SGCZ: variants seen among roughly 807,000 people sequenced by gnomAD.
SGCZ encodes the protein zeta-sarcoglycan.
A neutral mutation model predicts 41.3 loss-of-function variants in SGCZ; 40 were observed. The observed-to-expected ratio is 0.97, with a 90% CI of 0.75 to 1.26. The LOEUF (loss-of-function observed/expected upper bound fraction) is 1.26. Ranked by LOEUF, SGCZ falls within the 50% of genes most tolerant of loss-of-function variation. The pLI, the probability that SGCZ is intolerant of heterozygous loss-of-function variation, is 0.00. For missense variants in SGCZ, 552 were observed against 369.8 expected (o/e 1.49, Z -4.04); for synonymous variants, 206 against 137.5 (o/e 1.50, Z -3.49).
At chr8:14,790,158 C>T (rs564433628) in intron 1 of SGCZ, among the ~76,000 whole-genome samples, 4 of 152,212 alleles carry the variant, frequency 2.6e-5, no homozygotes, top group South Asian at 2.1e-4. Context: ...ATGTGAAAGA[C>T]GACTTTCTGA....
chr8:14,476,589 G>A (rs1217941732), intron 2 of SGCZ, among the ~76,000 whole-genome samples: 1 of 152,000 alleles, frequency 6.6e-6, no homozygotes, highest in Non-Finnish European at 1.5e-5. Flanking sequence ...GCTTATCTAT[G>A]GCTAATGGTC....
chr8:14,913,483 A>C (rs28404894), intron 1 of SGCZ, among the ~76,000 whole-genome samples: 1 of 151,916 alleles, frequency 6.6e-6, no homozygotes, highest in South Asian at 2.1e-4. Context: ...ATTTGTTTAA[A>C]GCATAATATC....
chr8:15,080,240 T>G (rs571043085), intron 1 of SGCZ, among the ~76,000 whole-genome samples: 1 of 152,136 alleles, frequency 6.6e-6, no homozygotes, highest in African/African-American at 2.4e-5. Context: ...TTTTTTAGTG[T>G]CTCCCTAGCC....
chr8:15,055,362 T>C (rs1804667542), intron 1 of SGCZ, among the ~76,000 whole-genome samples: 1 of 152,188 alleles, frequency 6.6e-6, no homozygotes, highest in East Asian at 1.9e-4. Context: ...ATTCTTTTTG[T>C]TATCCTTTCA....
chr8:14,833,259 T>C (rs1317982632), intron 1 of SGCZ, among the ~76,000 whole-genome samples: 1 of 152,030 alleles, frequency 6.6e-6, no homozygotes, highest in Non-Finnish European at 1.5e-5. Flanking sequence ...TAGGCAGAGA[T>C]GACAAATTCA....
intron 1 of SGCZ, among the ~76,000 whole-genome samples, chr8:15,098,166 T>A (rs17574840): frequency 6.6e-6 from 1 of 150,632 alleles, no homozygotes; most frequent in South Asian, 2.1e-4. Context: ...AAAACAGATG[T>A]TGTAAAAGGA....
intron 2 of SGCZ, among the ~76,000 whole-genome samples, chr8:14,540,920 A>C (rs929971131): frequency 3.3e-5 from 5 of 151,658 alleles, no homozygotes; most frequent in Non-Finnish European, 5.9e-5. Context: ...GCTTGTTATG[A>C]TTGTTTAGTT....
chr8:15,056,932 G>A (rs1804728067), intron 1 of SGCZ, among the ~76,000 whole-genome samples: 1 of 152,146 alleles, frequency 6.6e-6, no homozygotes, highest in African/African-American at 2.4e-5. Flanking sequence ...CAAGCTGAAG[G>A]TGACAAGGAT....
chr8:14,460,544 G>T (rs1335467856), intron 2 of SGCZ, among the ~76,000 whole-genome samples: 1 of 152,090 alleles, frequency 6.6e-6, no homozygotes, highest in African/African-American at 2.4e-5. Flanking sequence ...GAGAGGGTCA[G>T]GCATGCAAAT....
At chr8:15,104,685 T>C (rs1806751483) in intron 1 of SGCZ, among the ~76,000 whole-genome samples, 1 of 78,572 alleles carries the variant, frequency 1.3e-5, no homozygotes, top group South Asian at 3.9e-4. Flanking sequence ...AAACTTGTTT[T>C]TTTCAGCATC....
rs115439592 is a variant in SGCZ at position 14,274,451 on chromosome 8, A to G, written c.337-36772T>C. On this transcript the variant is annotated intron_variant, in intron 3 of 7. Transcript: ENST00000382080. ...GATAGGGTTTAACAAGAAACATTTG[A>G]CAAATCCAAATAGCACTTGATTTCA... Among the ~76,000 whole-genome samples the G allele has an allele frequency of 3.4e-3, 523 of 152,328 alleles. 2 individuals carry two copies. The highest frequency in any genetic ancestry group is 0.011 in the African/African-American group (459 of 41,576).
chr8:14,243,141 C>T (rs1350172740), intron 3 of SGCZ, among the ~76,000 whole-genome samples: 2 of 152,188 alleles, frequency 1.3e-5, no homozygotes, highest in Admixed American at 1.3e-4. Context: ...CTATGCAAAT[C>T]TCCCTACTTG....
At chr8:14,157,355 TGTGTGTGTGA>T (rs1182169513) in intron 5 of SGCZ, among the ~76,000 whole-genome samples, 2 of 132,690 alleles carry the variant, frequency 1.5e-5, no homozygotes, top group African/African-American at 5.7e-5. Context: ...TGTGTGTGTG[TGTGTGTGTGA>T]GTGTGTGTGT....
chr8:14,687,595 T>G (rs550213809), intron 1 of SGCZ, among the ~76,000 whole-genome samples: 13 of 152,070 alleles, frequency 8.5e-5, no homozygotes, highest in South Asian at 6.2e-4. Flanking sequence ...AGTCTATCAT[T>G]GTTGGACATT....
chr8:14,095,307 G>A (rs977572846), intron 7 of SGCZ, among the ~76,000 whole-genome samples: 12 of 152,156 alleles, frequency 7.9e-5, no homozygotes, highest in African/African-American at 2.7e-4. Flanking sequence ...CATATAAGGT[G>A]TAAGGAAGGG....
intron 1 of SGCZ, among the ~76,000 whole-genome samples, chr8:14,763,137 G>C (rs1195280172): frequency 6.6e-6 from 1 of 152,110 alleles, no homozygotes; most frequent in Non-Finnish European, 1.5e-5. Flanking sequence ...GTATATGTCT[G>C]GTTGCCCTCT....
intron 2 of SGCZ, among the ~76,000 whole-genome samples, chr8:14,388,657 C>G (rs1161187605): frequency 2.0e-5 from 3 of 151,896 alleles, no homozygotes; most frequent in Non-Finnish European, 4.4e-5. Context: ...AGAATAAACT[C>G]CAATTTTAGC....
chr8:14,917,874 A>G (rs1042021091), intron 1 of SGCZ, among the ~76,000 whole-genome samples: 1 of 152,180 alleles, frequency 6.6e-6, no homozygotes, highest in Non-Finnish European at 1.5e-5. Flanking sequence ...ATGATAATGC[A>G]TAATATTTGA....
intron 1 of SGCZ, among the ~76,000 whole-genome samples, chr8:14,903,670 C>T (rs1281690607): frequency 6.6e-6 from 1 of 151,964 alleles, no homozygotes; most frequent in African/African-American, 2.4e-5. Flanking sequence ...GAAAGAACGT[C>T]TTATGTATTA....
Sources: allele counts gnomAD v4.1 joint callset (sites outside exome capture counted in the v4.1 genomes callset), GRCh38; gene constraint gnomAD v4.1.1; transcripts MANE v1.5; gene names NCBI Gene and HGNC (gene_info 2026-07-23, HGNC 2026-07-21).